Variants in INTS2 observed in about 807,000 individuals in gnomAD.
INTS2 encodes the protein integrator complex subunit 2.
Under a neutral mutation model 139.6 loss-of-function variants are expected in INTS2, and 57 were observed. The observed-to-expected ratio is 0.41, with a 90% CI of 0.33 to 0.51. The LOEUF is 0.51. INTS2 is among the 20% of genes least tolerant of loss of function. INTS2 has a pLI of 0.28. For missense variants in INTS2, 1,196 were observed against 1,436.7 expected, an observed-to-expected ratio of 0.83 and a Z score of 2.71; for synonymous variants, 473 against 493.4, an observed-to-expected ratio of 0.96 and a Z score of 0.55.
At chr17:61,919,615 T>C (rs1398163071) in intron 4 of INTS2, 102 bp from the exon 5 acceptor site, 2 of 646,720 alleles carry the variant, frequency 3.1e-6, no homozygotes, top group Non-Finnish European at 5.5e-6. Context: ...CTCACTGTGT[T>C]GCCCAGGTGG....
At chr17:61,885,156 G>A (rs1426373090) in intron 15 of INTS2, 151 bp from the exon 16 acceptor site, 9 of 607,166 alleles carry the variant, frequency 1.5e-5, no homozygotes, top group East Asian at 2.8e-5. Flanking sequence ...GAATCATTAC[G>A]AAAACAAGTG....
intron 5 of INTS2, among the ~76,000 whole-genome samples, chr17:61,913,606 T>C (rs576766701): frequency 6.6e-6 from 1 of 152,200 alleles, no homozygotes; most frequent in East Asian, 1.9e-4. Context: ...GTGAGCCACA[T>C]ACCCAGCCAG....
Position 61,927,887 on chromosome 17 carries a change from A to C in INTS2, c.-252T>G. 14 of 1,611,564 alleles carry C rather than the reference A, an allele frequency of 8.7e-6. No individual in the cohort carries two copies. The highest frequency in any genetic ancestry group is 1.2e-5 in the Non-Finnish European group (14 of 1,179,820). ...GGCACCACACAAAGGCAGAACCGGGACTGTAGGAACGGAAAAGCGGGAGAC... is the reference window on the plus strand; with the variant it reads ...GGCACCACACAAAGGCAGAACCGGGCCTGTAGGAACGGAAAAGCGGGAGAC... On this transcript the variant is annotated 5_prime_UTR_variant, in exon 1 of 25. Coordinates refer to ENST00000251334, the MANE Select transcript of INTS2 (RefSeq NM_001351695.2).
intron 3 of INTS2, 102 bp from the exon 4 acceptor site, chr17:61,921,929 G>C: frequency 1.6e-6 from 1 of 631,022 alleles, no homozygotes; most frequent in Non-Finnish European, 2.7e-6. Context: ...GTCTCTTAAT[G>C]TATCACTAAT....
At position 61,868,035 on chromosome 17, in the gene INTS2, T is replaced by C; in HGVS notation, c.3245-26A>G. The C allele has an allele frequency of 6.6e-7, 1 of 1,509,974 alleles. No individual in the cohort carries two copies. The highest frequency in any genetic ancestry group is 8.9e-7 in the Non-Finnish European group (1 of 1,126,740). The allele number at this position is 1,509,974 out of a possible 1,614,324, so 93.5% of individuals were successfully genotyped here. On this transcript the variant is annotated intron_variant, in intron 23 of 24. Transcript: ENST00000251334. The surrounding 1 kb of genome is among the most constrained non-coding windows in gnomAD (Gnocchi z 4.7). Reference sequence around the variant, plus strand: ...CTGTTGGAAAAAAATGAAACAATATTTTAGTTTACAAATATAAATTCAACA... The same window carrying C: ...CTGTTGGAAAAAAATGAAACAATATCTTAGTTTACAAATATAAATTCAACA...
chr17:61,922,723 T>C (rs2079659871), intron 3 of INTS2, among the ~76,000 whole-genome samples: 1 of 151,882 alleles, frequency 6.6e-6, no homozygotes, highest in South Asian at 2.1e-4. Context: ...ACTTATTTAT[T>C]AGAGTCACCA....
At chr17:61,894,651 A>G (rs1343772260) in intron 12 of INTS2, among the ~76,000 whole-genome samples, 1 of 152,170 alleles carries the variant, frequency 6.6e-6, no homozygotes, top group African/African-American at 2.4e-5. Context: ...CAGGAGTTCA[A>G]GACCAGCCTG....
chr17:61,907,284 GC>G (rs1362310833), intron 8 of INTS2, 123 bp downstream of exon 8: 2 of 709,566 alleles, frequency 2.8e-6, no homozygotes, highest in African/African-American at 3.6e-5. Context: ...TTACAGGCCA[GC>G]CCACTACCTG....
At chr17:61,906,984 AC>A (rs1325383056) in intron 8 of INTS2, among the ~76,000 whole-genome samples, 4 of 151,348 alleles carry the variant, frequency 2.6e-5, no homozygotes, top group Non-Finnish European at 4.4e-5. Flanking sequence ...AAAAAAAAAA[AC>A]ATTGTACTTA....
chr17:61,894,377 C>T (rs565217762), intron 12 of INTS2, among the ~76,000 whole-genome samples: 3 of 152,230 alleles, frequency 2.0e-5, no homozygotes, highest in East Asian at 1.9e-4. Flanking sequence ...AGGCTCTAAT[C>T]GTCTTTTAAA....
At chr17:61,918,872 G>GT (rs1266478192) in intron 5 of INTS2, among the ~76,000 whole-genome samples, 3 of 148,644 alleles carry the variant, frequency 2.0e-5, no homozygotes, top group African/African-American at 7.4e-5. Flanking sequence ...ACTGATACAT[G>GT]TATCTTCTTT....
intron 5 of INTS2, among the ~76,000 whole-genome samples, chr17:61,915,816 TAAAAAAAAAAAA>T (rs1193639396): frequency 4.7e-5 from 3 of 64,190 alleles, no homozygotes; most frequent in African/African-American, 1.8e-4. Flanking sequence ...AGACTCTGTC[TAAAAAAAAAAAA>T]AAAAAAAAAA....
rs1191400537 is a variant in INTS2 at position 61,866,435 on chromosome 17, CAGAG to C, written c.*1118_*1121del. ...GGAAGTGTGTGATTGAGGTATATCTCAGAGAGAAAAAAGGGAATTACTTTCTACA... is the reference window on the plus strand; with the variant it reads ...GGAAGTGTGTGATTGAGGTATATCTCAGAAAAAAGGGAATTACTTTCTACA... On this transcript the variant is annotated 3_prime_UTR_variant, in exon 25 of 25. Transcript: ENST00000251334. 1.3e-5 allele frequency: 2 copies of C among 149,742 alleles called. No homozygotes were observed. 9.3% of individuals were successfully genotyped at this position (149,742 alleles called of 1,614,324 possible). A position where few individuals can be genotyped will look rare whatever the true frequency, so the allele number is the denominator to read the frequency against.
rs559364973 is a variant in INTS2 at position 61,870,828 on chromosome 17, G to A, written c.2779-840C>T. Among the ~76,000 whole-genome samples the A allele has an allele frequency of 6.6e-6, 1 of 152,058 alleles. No individual in the cohort carries two copies. Among genetic ancestry groups the A allele is most frequent in the African/African-American group, 2.4e-5 (1 of 41,406 alleles). ...TGTTTTGTTTTCTTTTGTTGTTGTT[G>A]ACTCAGGAGCCAGAGTGCCTAGGAG... On this transcript the variant is annotated intron_variant, in intron 20 of 24. Coordinates refer to ENST00000251334, the MANE Select transcript of INTS2 (RefSeq NM_001351695.2). The surrounding 1 kb of genome is among the most constrained non-coding windows in gnomAD (Gnocchi z 4.4).
intron 16 of INTS2, among the ~76,000 whole-genome samples, chr17:61,884,683 A>C (rs2145917870): frequency 6.6e-6 from 1 of 152,310 alleles, no homozygotes; most frequent in East Asian, 1.9e-4. Context: ...AAAAAGCCTG[A>C]AAATACATAT....
rs995920160 is a variant in INTS2 at position 61,868,622 on chromosome 17, T to C, written c.3244+412A>G. ...ATGTTTTAGAACTTATGAAGACATC[T>C]AATACATTTATCTTTCATTTATACA... On this transcript the variant is annotated intron_variant, in intron 23 of 24. Coordinates refer to ENST00000251334, the MANE Select transcript of INTS2 (RefSeq NM_001351695.2). The surrounding 1 kb of genome is among the most constrained non-coding windows in gnomAD (Gnocchi z 4.7). Among the ~76,000 whole-genome samples, 8 of 152,180 alleles carry C rather than the reference T, an allele frequency of 5.3e-5. No individual in the cohort carries two copies. Among genetic ancestry groups the C allele is most frequent in the African/African-American group, 1.9e-4 (8 of 41,454 alleles).
At position 61,871,723 on chromosome 17, in the gene INTS2, T is replaced by C. The variant is rs1027818188; in HGVS notation, c.2778+542A>G. 4.0e-5 allele frequency among the ~76,000 whole-genome samples: 6 copies of C among 151,790 alleles called. No individual in the cohort carries two copies. The highest frequency in any genetic ancestry group is 7.4e-5 in the Non-Finnish European group (5 of 67,942). The stretch of plus-strand genomic sequence containing the variant: ...CTGAGGTGGGTGGATCACCTCAAGT[T>C]AGGAGTTCAACACAAGCCTGGCAAA... On this transcript the variant is annotated intron_variant, in intron 20 of 24. Coordinates refer to ENST00000251334, the MANE Select transcript of INTS2 (RefSeq NM_001351695.2). This position sits in a 1 kb window ranked among gnomAD's most constrained non-coding sequence, Gnocchi z 4.9.
intron 5 of INTS2, among the ~76,000 whole-genome samples, chr17:61,915,896 C>A (rs1320101505): frequency 6.7e-6 from 1 of 149,266 alleles, no homozygotes; most frequent in Non-Finnish European, 1.5e-5. Flanking sequence ...TTGGAAGAAT[C>A]ATTATCTTTA....
chr17:61,883,315 C>T (rs2079194436), intron 16 of INTS2, among the ~76,000 whole-genome samples: 1 of 146,038 alleles, frequency 6.8e-6, no homozygotes, highest in African/African-American at 2.6e-5. Flanking sequence ...GAGTTCGAGA[C>T]TAGCCTAACC....
Sources: allele counts gnomAD v4.1 joint callset (sites outside exome capture counted in the v4.1 genomes callset), GRCh38; gene constraint gnomAD v4.1.1; non-coding constraint Gnocchi (gnomAD v3.1); transcripts MANE v1.5; gene names NCBI Gene and HGNC (gene_info 2026-07-23, HGNC 2026-07-21).